The following SIPA1L3 variants were observed in gnomAD, a reference collection of about 807,000 sequenced individuals.
The protein encoded by SIPA1L3 is signal induced proliferation associated 1 like 3.
Under a neutral mutation model 150.1 loss-of-function variants are expected in SIPA1L3, and 59 were observed. The ratio of observed to expected loss-of-function variants is 0.39; its 90% CI spans 0.32 to 0.49. The LOEUF is 0.49. Ranked by LOEUF, SIPA1L3 falls within the 20% of genes least tolerant of loss-of-function variation. SIPA1L3 has a pLI of 0.86. For missense variants in SIPA1L3, 2,211 were observed against 2,489.5 expected (o/e 0.89, Z 2.38); for synonymous variants, 1,070 against 1,077.6 (o/e 0.99, Z 0.14).
intron 2 of SIPA1L3, among the ~76,000 whole-genome samples, chr19:38,079,148 C>T (rs553456499): frequency 1.2e-4 from 18 of 152,232 alleles, no homozygotes; most frequent in East Asian, 1.2e-3. Context: ...CTGGCTAACA[C>T]GGTGAAACCC....
At chr19:37,994,325 G>A (rs974246644) in intron 1 of SIPA1L3, among the ~76,000 whole-genome samples, 19 of 152,218 alleles carry the variant, frequency 1.2e-4, no homozygotes, top group African/African-American at 2.9e-4. Flanking sequence ...GAAGTAAGCC[G>A]TAGCTCAGGT....
intron 16 of SIPA1L3, among the ~76,000 whole-genome samples, chr19:38,184,178 C>A (rs1268156160): frequency 2.6e-5 from 4 of 151,822 alleles, no homozygotes; most frequent in Admixed American, 6.6e-5. Flanking sequence ...CCTCCCCCCA[C>A]CCCACCCCTT....
Position 38,063,206 on chromosome 19 carries a change from C to G in SIPA1L3, c.-310-18050C>G, listed in dbSNP as rs150108561. Among the ~76,000 whole-genome samples the G allele has an allele frequency of 1.9e-4, 29 of 152,294 alleles. No individual in the cohort carries two copies. The East Asian group carries it at 2.5e-3, about 13-fold the overall frequency. ...AGCAGCTGGGTTTCCCCTCCACCCC[C>G]CTCCCCACTCCAACCTGGATAACAA... On this transcript the variant is annotated intron_variant, in intron 2 of 21. Coordinates refer to ENST00000222345, the MANE Select transcript of SIPA1L3 (RefSeq NM_015073.3).
intron 2 of SIPA1L3, among the ~76,000 whole-genome samples, chr19:38,060,290 G>T (rs556313908): frequency 6.6e-6 from 1 of 152,164 alleles, no homozygotes; most frequent in Non-Finnish European, 1.5e-5. Context: ...CTAGTTTGGA[G>T]TTAATGCATT....
At chr19:38,128,263 A>C (rs1187177530) in intron 9 of SIPA1L3, among the ~76,000 whole-genome samples, 1 of 151,968 alleles carries the variant, frequency 6.6e-6, no homozygotes, top group African/African-American at 2.4e-5. Context: ...GTTCTGCCGT[A>C]GTAATAGGAT....
chr19:37,987,999 TTC>T (rs1967404515), intron 1 of SIPA1L3, among the ~76,000 whole-genome samples: 2 of 152,340 alleles, frequency 1.3e-5, no homozygotes, highest in Non-Finnish European at 2.9e-5. Context: ...TTGTCCCAAA[TTC>T]TCTCTCTATT....
intron 1 of SIPA1L3, among the ~76,000 whole-genome samples, chr19:37,909,189 C>T (rs1365015643): frequency 6.6e-6 from 1 of 152,178 alleles, no homozygotes; most frequent in Non-Finnish European, 1.5e-5. Flanking sequence ...CCATATTGGT[C>T]TCCCATCTGA....
At chr19:38,102,370 G>T (rs972541697) in intron 6 of SIPA1L3, among the ~76,000 whole-genome samples, 2 of 151,370 alleles carry the variant, frequency 1.3e-5, no homozygotes, top group East Asian at 3.9e-4. Flanking sequence ...TAGAGACAAG[G>T]TCTTGCTATG....
chr19:37,924,190 C>G (rs889160947), intron 1 of SIPA1L3, among the ~76,000 whole-genome samples: 1 of 151,914 alleles, frequency 6.6e-6, no homozygotes. Context: ...TAAAATGTTC[C>G]GTTTTTATTT....
intron 9 of SIPA1L3, among the ~76,000 whole-genome samples, chr19:38,123,780 T>C (rs1207434106): frequency 6.6e-6 from 1 of 151,480 alleles, no homozygotes; most frequent in Non-Finnish European, 1.5e-5. Context: ...AGCTGATGGG[T>C]ACACCTCCCA....
At chr19:37,970,571 T>C (rs953528657) in intron 1 of SIPA1L3, among the ~76,000 whole-genome samples, 5 of 152,200 alleles carry the variant, frequency 3.3e-5, no homozygotes, top group Non-Finnish European at 7.3e-5. Flanking sequence ...TTCTTCGCAC[T>C]AAAGCCATCC....
At position 38,143,428 on chromosome 19, in the gene SIPA1L3, C is replaced by T. The variant is rs941561761; in HGVS notation, c.3533+718C>T. ...TGAGCATCTCTGTCACCCACCCTCT[C>T]CTCCTTTCCCTGTTCTCTTGCCCAG... On this transcript the variant is annotated intron_variant, in intron 12 of 21. Coordinates refer to ENST00000222345, the MANE Select transcript of SIPA1L3 (RefSeq NM_015073.3). 2.6e-5 allele frequency among the ~76,000 whole-genome samples: 4 copies of T among 152,040 alleles called. No individual in the cohort carries two copies. In the South Asian group the frequency reaches 8.3e-4, roughly 32 times the overall value.
intron 1 of SIPA1L3, among the ~76,000 whole-genome samples, chr19:37,924,240 A>G (rs2046481637): frequency 6.6e-6 from 1 of 152,108 alleles, no homozygotes; most frequent in Non-Finnish European, 1.5e-5. Flanking sequence ...ACTAAGACAC[A>G]AACACATGAG....
chr19:38,188,933 AAAGT>A (rs1297341554), intron 16 of SIPA1L3, among the ~76,000 whole-genome samples: 1 of 151,698 alleles, frequency 6.6e-6, no homozygotes, highest in African/African-American at 2.4e-5. Context: ...AAAAAAAAAA[AAAGT>A]AAGCCTCTCT....
chr19:38,007,229 G>T (rs918009983), intron 1 of SIPA1L3, among the ~76,000 whole-genome samples: 9 of 152,182 alleles, frequency 5.9e-5, no homozygotes, highest in African/African-American at 1.9e-4. Context: ...AAGGCAGACG[G>T]ATCATTTGAG....
chr19:38,136,204 A>AAAAAG (rs1971432814), intron 10 of SIPA1L3, among the ~76,000 whole-genome samples: 4 of 150,708 alleles, frequency 2.7e-5, no homozygotes, highest in South Asian at 2.1e-4. Flanking sequence ...AAAAAAAAAA[A>AAAAAG]AAGAAGAATG....
At chr19:37,983,160 C>T (rs971484357) in intron 1 of SIPA1L3, among the ~76,000 whole-genome samples, 4 of 152,182 alleles carry the variant, frequency 2.6e-5, no homozygotes, top group Non-Finnish European at 5.9e-5. Flanking sequence ...ATAAATGACT[C>T]ATGTGATGGA....
chr19:37,930,187 G>T (rs773232955), intron 1 of SIPA1L3, among the ~76,000 whole-genome samples: 7 of 151,902 alleles, frequency 4.6e-5, no homozygotes, highest in African/African-American at 1.5e-4. Flanking sequence ...ACCACACCCG[G>T]CTATTTTGTA....
At chr19:38,205,809 T>C (rs1177210595) in intron 21 of SIPA1L3, among the ~76,000 whole-genome samples, 1 of 152,060 alleles carries the variant, frequency 6.6e-6, no homozygotes, top group Non-Finnish European at 1.5e-5. Flanking sequence ...GTGACAATAG[T>C]GATGTTTGTC....
Sources: allele counts gnomAD v4.1 joint callset (sites outside exome capture counted in the v4.1 genomes callset), GRCh38; gene constraint gnomAD v4.1.1; transcripts MANE v1.5; gene names NCBI Gene and HGNC (gene_info 2026-07-23, HGNC 2026-07-21).